The following ITGB5 variants were observed in gnomAD, a reference collection of about 807,000 sequenced individuals.
ITGB5 encodes the protein integrin subunit beta 5.
A neutral mutation model predicts 84.8 loss-of-function variants in ITGB5; 38 were observed. That is an observed-to-expected ratio of 0.45 (90% CI 0.35 to 0.59). ITGB5 has a LOEUF of 0.59. Ranked by LOEUF, ITGB5 falls within the 20% of genes least tolerant of loss-of-function variation. The pLI is 0.01. For missense variants in ITGB5, 905 were observed against 1,034.5 expected, an observed-to-expected ratio of 0.87 and a Z score of 1.72; for synonymous variants, 393 against 414.4, an observed-to-expected ratio of 0.95 and a Z score of 0.63.
intron 2 of ITGB5, among the ~76,000 whole-genome samples, chr3:124,861,527 C>G (rs558928414): frequency 6.6e-4 from 90 of 135,608 alleles, no homozygotes; most frequent in East Asian, 2.9e-3. Flanking sequence ...CACACACACA[C>G]AGAGAGATAC....
chr3:124,871,879 A>G (rs1212545734), intron 2 of ITGB5, among the ~76,000 whole-genome samples: 1 of 151,840 alleles, frequency 6.6e-6, no homozygotes, highest in Non-Finnish European at 1.5e-5. Context: ...TAAATAAAAG[A>G]AGGAAAGGAG....
chr3:124,853,372 G>A (rs3772853), intron 3 of ITGB5, among the ~76,000 whole-genome samples: 62,359 of 151,894 alleles, frequency 0.41, 13,101 homozygotes, highest in East Asian at 0.67. Context: ...TGCCTCACTG[G>A]TTTAGAACAA....
intron 2 of ITGB5, among the ~76,000 whole-genome samples, chr3:124,872,392 CTATTGTGAGGATCAGAGA>C (rs1293330440): frequency 6.6e-6 from 1 of 152,056 alleles, no homozygotes; most frequent in African/African-American, 2.4e-5. Context: ...CCTGACAGAG[CTATTGTGAGGATCAGAGA>C]TATTGTATGA....
chr3:124,819,668 G>T, intron 7 of ITGB5, 71 bp downstream of exon 7: 1 of 1,068,482 alleles, frequency 9.4e-7, no homozygotes, highest in Non-Finnish European at 1.5e-6. Flanking sequence ...CCCCAGATAG[G>T]CAGAGTTGTA....
intron 9 of ITGB5, among the ~76,000 whole-genome samples, chr3:124,807,593 T>C (rs1216719652): frequency 1.3e-5 from 2 of 152,126 alleles, no homozygotes. Context: ...ATATGATATT[T>C]TGAACTGTCC....
chr3:124,866,722 T>A (rs1311295547), intron 2 of ITGB5, among the ~76,000 whole-genome samples: 1 of 152,164 alleles, frequency 6.6e-6, no homozygotes, highest in East Asian at 1.9e-4. Context: ...CCTGGCCCCC[T>A]GACCAGCCAC....
At chr3:124,833,565 G>A (rs2064887904) in intron 5 of ITGB5, among the ~76,000 whole-genome samples, 1 of 152,176 alleles carries the variant, frequency 6.6e-6, no homozygotes, top group Non-Finnish European at 1.5e-5. Flanking sequence ...GTATTACCAA[G>A]TAATAGTACT....
At chr3:124,827,864 C>T (rs906620366) in intron 5 of ITGB5, among the ~76,000 whole-genome samples, 3 of 152,166 alleles carry the variant, frequency 2.0e-5, no homozygotes, top group African/African-American at 7.2e-5. Flanking sequence ...CCTCGCTCAT[C>T]CTGGCTCAAA....
upstream of ITGB5, chr3:124,887,726 T>G (rs939186743): frequency 2.7e-5 from 12 of 451,740 alleles, no homozygotes; most frequent in Admixed American, 7.1e-5. Context: ...CAAAGGCGGT[T>G]GCTAGACTGC....
At chr3:124,769,245 G>A in intron 11 of ITGB5, 132 bp from the exon 12 acceptor site, 2 of 669,200 alleles carry the variant, frequency 3.0e-6, no homozygotes, top group Non-Finnish European at 2.5e-6. Context: ...CAGCCTCAGG[G>A]AATGTTTCTG....
chr3:124,873,381 C>G, intron 2 of ITGB5, 65 bp downstream of exon 2: 664 of 1,028,160 alleles, frequency 6.5e-4, no homozygotes, highest in Non-Finnish European at 9.7e-4. Context: ...GTGGTGTTGG[C>G]CTCCTTCTCA....
intron 6 of ITGB5, 132 bp downstream of exon 6, chr3:124,821,181 C>T: frequency 1.0e-6 from 1 of 1,001,096 alleles, no homozygotes; most frequent in Non-Finnish European, 1.5e-6. Context: ...GAAACCCAAC[C>T]CCAAGAAGGG....
Position 124,864,724 on chromosome 3 carries a change from C to T in ITGB5, c.157-5278G>A, listed in dbSNP as rs183297301. Among the ~76,000 whole-genome samples, 5 of 152,064 alleles carry T rather than the reference C, an allele frequency of 3.3e-5. No homozygotes were observed. The East Asian group carries it at 9.7e-4, about 29-fold the overall frequency. ...CATATAACAAACCTGCACATATACC[C>T]TCTGTATCTAACATGAAAGTTGAAA... On this transcript the variant is annotated intron_variant, in intron 2 of 14. Transcript: ENST00000296181.
At chr3:124,817,336 C>A (rs2064618695) in intron 8 of ITGB5, among the ~76,000 whole-genome samples, 1 of 152,236 alleles carries the variant, frequency 6.6e-6, no homozygotes, top group Non-Finnish European at 1.5e-5. Flanking sequence ...AACCTAAGCA[C>A]TTCCCAGGCC....
chr3:124,818,393 A>G (rs2107553314), intron 7 of ITGB5, among the ~76,000 whole-genome samples: 1 of 151,060 alleles, frequency 6.6e-6, no homozygotes, highest in South Asian at 2.1e-4. Flanking sequence ...CTGAGGAAGG[A>G]TGCTTAAGCC....
chr3:124,876,956 T>A (rs1218434454), intron 1 of ITGB5, among the ~76,000 whole-genome samples: 1 of 151,318 alleles, frequency 6.6e-6, no homozygotes, highest in Non-Finnish European at 1.5e-5. Context: ...TTTTCTTTTT[T>A]TTGATTTCTT....
At position 124,773,821 on chromosome 3, in the gene ITGB5, C is replaced by A. The variant is rs2063883722; in HGVS notation, c.1785G>T (p.Arg595=). ...CNCSTDISTC[R]GRDGQICSER... ...CGCTGCAGATCTGGCCATCTCTGCC[C>A]CGGCATGTGCTGATGTCTGTCGAGC... Residue 595 remains arginine (R), a synonymous_variant, in exon 11 of 15, where the codon CGG becomes CGT. Transcript: ENST00000296181. 4 of 1,614,124 alleles carry A rather than the reference C, an allele frequency of 2.5e-6. No homozygotes were observed. Among genetic ancestry groups the A allele is most frequent in the Non-Finnish European group, 3.4e-6 (4 of 1,180,050 alleles).
At chr3:124,892,540 A>G, upstream of ITGB5, among the ~76,000 whole-genome samples, 1 of 149,762 alleles carries the variant, frequency 6.7e-6, no homozygotes, top group East Asian at 2.0e-4. Context: ...AAAAAAAAAA[A>G]AAAAAAAAAA....
At chr3:124,867,045 C>T (rs976909886) in intron 2 of ITGB5, among the ~76,000 whole-genome samples, 2 of 152,070 alleles carry the variant, frequency 1.3e-5, no homozygotes, top group South Asian at 2.1e-4. Flanking sequence ...ATCTTGCTTC[C>T]CAGCCTCTCA....
Sources: allele counts gnomAD v4.1 joint callset (sites outside exome capture counted in the v4.1 genomes callset), GRCh38; gene constraint gnomAD v4.1.1; transcripts MANE v1.5; gene names NCBI Gene and HGNC (gene_info 2026-07-23, HGNC 2026-07-21).